The following DDX10 variants were observed in gnomAD, a reference collection of about 807,000 sequenced individuals.
DDX10 encodes the protein DEAD-box helicase 10, also known as probable ATP-dependent RNA helicase DDX10.
DDX10 carries 74 observed loss-of-function variants against 104.3 expected under a neutral mutation model. That is an observed-to-expected ratio of 0.71 (90% CI 0.59 to 0.86). DDX10 has a LOEUF of 0.86. DDX10 is among the 40% of genes least tolerant of loss of function. The pLI is 0.00. For synonymous variants in DDX10, 351 were observed against 353.4 expected (o/e 0.99, Z 0.08); for missense variants, 952 against 1,040.0 (o/e 0.92, Z 1.16).
intron 13 of DDX10, among the ~76,000 whole-genome samples, chr11:108,770,915 G>T (rs1285620837): frequency 6.6e-6 from 1 of 151,674 alleles, no homozygotes; most frequent in Non-Finnish European, 1.5e-5. Flanking sequence ...TTTTTTTTGT[G>T]GAGTTTCCAA....
At chr11:108,832,863 A>G (rs569201863) in intron 13 of DDX10, among the ~76,000 whole-genome samples, 1 of 152,340 alleles carries the variant, frequency 6.6e-6, no homozygotes, top group Non-Finnish European at 1.5e-5. Flanking sequence ...TGCTGGAGGT[A>G]ACTCTTTTAG....
intron 13 of DDX10, among the ~76,000 whole-genome samples, chr11:108,730,636 T>C (rs2134484177): frequency 6.6e-6 from 1 of 152,340 alleles, no homozygotes; most frequent in South Asian, 2.1e-4. Flanking sequence ...TGACTTACAG[T>C]GGTTCAAAAG....
intron 16 of DDX10, among the ~76,000 whole-genome samples, chr11:108,873,372 T>A (rs1863108059): frequency 6.6e-6 from 1 of 152,172 alleles, no homozygotes; most frequent in African/African-American, 2.4e-5. Context: ...TCTATTCTCT[T>A]TCTTCCTTTT....
At chr11:108,935,681 A>G (rs1864028736) in intron 17 of DDX10, among the ~76,000 whole-genome samples, 5 of 152,134 alleles carry the variant, frequency 3.3e-5, no homozygotes, top group African/African-American at 9.7e-5. Flanking sequence ...AATTATCAAG[A>G]ATTCTCACAG....
chr11:108,717,667 A>G (rs2094293273), intron 11 of DDX10, among the ~76,000 whole-genome samples: 2 of 152,214 alleles, frequency 1.3e-5, no homozygotes, highest in Admixed American at 1.3e-4. Context: ...CTTATTTTAT[A>G]TTTTAGCAAA....
intron 13 of DDX10, among the ~76,000 whole-genome samples, chr11:108,827,732 C>T (rs953035064): frequency 1.3e-5 from 2 of 152,102 alleles, no homozygotes; most frequent in South Asian, 4.1e-4. Flanking sequence ...ATCCTCCAGC[C>T]GAAACTTCTT....
At chr11:108,863,242 C>T (rs1212976563) in intron 16 of DDX10, among the ~76,000 whole-genome samples, 1 of 152,104 alleles carries the variant, frequency 6.6e-6, no homozygotes, top group Non-Finnish European at 1.5e-5. Context: ...GTTAATGTAG[C>T]CTCATTTTTA....
intron 13 of DDX10, among the ~76,000 whole-genome samples, chr11:108,811,780 T>C (rs965990461): frequency 8.6e-5 from 13 of 151,940 alleles, no homozygotes; most frequent in African/African-American, 2.9e-4. Flanking sequence ...TTCCCATTGC[T>C]TAATACTCTA....
chr11:108,809,944 T>A (rs955689162), intron 13 of DDX10, among the ~76,000 whole-genome samples: 1 of 152,198 alleles, frequency 6.6e-6, no homozygotes, highest in Admixed American at 6.5e-5. Flanking sequence ...TAAACATGTT[T>A]AAAAAAGCTA....
At chr11:108,676,163 G>T (rs899837932) in intron 3 of DDX10, among the ~76,000 whole-genome samples, 1 of 152,192 alleles carries the variant, frequency 6.6e-6, no homozygotes, top group African/African-American at 2.4e-5. Context: ...TTAGGCATTT[G>T]TTGAGAATTT....
intron 16 of DDX10, among the ~76,000 whole-genome samples, chr11:108,915,949 TAAAAAA>T (rs34651677): frequency 7.8e-6 from 1 of 127,716 alleles, no homozygotes; most frequent in Admixed American, 7.8e-5. Context: ...TGCAAAAATG[TAAAAAA>T]AAAAAAAAAA....
chr11:108,806,394 CT>C (rs1335810770), intron 13 of DDX10, among the ~76,000 whole-genome samples: 1 of 152,128 alleles, frequency 6.6e-6, no homozygotes, highest in Non-Finnish European at 1.5e-5. Flanking sequence ...GTATGGCGAA[CT>C]TTATGATACT....
chr11:108,834,801 G>A (rs1402119323), intron 13 of DDX10, among the ~76,000 whole-genome samples: 10 of 151,634 alleles, frequency 6.6e-5, no homozygotes, highest in East Asian at 1.9e-4. Context: ...GGTGGCGGGC[G>A]CCTGTAGTCC....
chr11:108,903,874 G>T (rs1442108592), intron 16 of DDX10, among the ~76,000 whole-genome samples: 2 of 152,056 alleles, frequency 1.3e-5, no homozygotes, highest in Non-Finnish European at 2.9e-5. Flanking sequence ...AAATAATGCT[G>T]CTATGAACGT....
chr11:108,831,784 G>A (rs1026399992), intron 13 of DDX10, among the ~76,000 whole-genome samples: 9 of 151,760 alleles, frequency 5.9e-5, no homozygotes, highest in Admixed American at 2.0e-4. Flanking sequence ...GAATTTTCTT[G>A]TAGCCAATGT....
At chr11:108,684,170 G>T (rs1490319525) in intron 6 of DDX10, among the ~76,000 whole-genome samples, 33 of 35,598 alleles carry the variant, frequency 9.3e-4, no homozygotes, top group East Asian at 2.0e-3. Context: ...TAAGGTTATA[G>T]ATTTTCTTTT....
chr11:108,711,611 G>A (rs1029594531), intron 10 of DDX10, among the ~76,000 whole-genome samples: 1 of 152,242 alleles, frequency 6.6e-6, no homozygotes, highest in African/African-American at 2.4e-5. Flanking sequence ...GAGATTACAG[G>A]TGTGAGCCAT....
At chr11:108,775,646 TAA>T (rs1204443277) in intron 13 of DDX10, among the ~76,000 whole-genome samples, 1 of 152,238 alleles carries the variant, frequency 6.6e-6, no homozygotes, top group Non-Finnish European at 1.5e-5. Flanking sequence ...GCTATGATAT[TAA>T]AAAATGTGAC....
At chr11:108,846,578 GTCT>G (rs1403459314) in intron 15 of DDX10, among the ~76,000 whole-genome samples, 1 of 152,146 alleles carries the variant, frequency 6.6e-6, no homozygotes, top group Non-Finnish European at 1.5e-5. Flanking sequence ...TCTGCTAAAT[GTCT>G]TCTTGTTGCA....
Sources: gnomAD v4.1 joint callset for allele counts (sites outside exome capture counted in the v4.1 genomes callset) on GRCh38, gnomAD v4.1.1 for gene constraint, MANE v1.5 for transcripts, NCBI Gene and HGNC (gene_info 2026-07-23, HGNC 2026-07-21) for gene names.